Variants in KCTD8 observed in about 807,000 individuals in gnomAD.
The protein encoded by KCTD8 is BTB/POZ domain-containing protein KCTD8.
A neutral mutation model predicts 31.5 loss-of-function variants in KCTD8; 27 were observed. The observed-to-expected ratio is 0.86, with a 90% CI of 0.63 to 1.18. The LOEUF (loss-of-function observed/expected upper bound fraction) is 1.18, where lower values mean the gene tolerates loss of function less well. Among genes scored for constraint, KCTD8 ranks in the 50% most tolerant of loss-of-function variants. KCTD8 has a pLI of 0.00. For synonymous variants in KCTD8, 290 were observed against 280.0 expected, an observed-to-expected ratio of 1.04 and a Z score of -0.36; for missense variants, 658 against 647.7, an observed-to-expected ratio of 1.02 and a Z score of -0.17.
At chr4:44,407,326 A>C (rs1455355735) in intron 1 of KCTD8, among the ~76,000 whole-genome samples, 1 of 151,846 alleles carries the variant, frequency 6.6e-6, no homozygotes, top group African/African-American at 2.4e-5. Flanking sequence ...CTATACCTCA[A>C]ATCTACTTCA....
chr4:44,230,993 T>C (rs1715103461), intron 1 of KCTD8, among the ~76,000 whole-genome samples: 1 of 152,192 alleles, frequency 6.6e-6, no homozygotes, highest in Admixed American at 6.5e-5. Flanking sequence ...TCGATTTCGC[T>C]GGCAAATTTA....
chr4:44,177,233 A>G (rs1353542289), intron 1 of KCTD8, among the ~76,000 whole-genome samples: 1 of 151,970 alleles, frequency 6.6e-6, no homozygotes, highest in African/African-American at 2.4e-5. Flanking sequence ...TCTGGCTTTC[A>G]GATGGATTCA....
intron 1 of KCTD8, among the ~76,000 whole-genome samples, chr4:44,329,817 G>A (rs373986092): frequency 7.2e-5 from 11 of 151,898 alleles, no homozygotes; most frequent in Admixed American, 2.6e-4. Context: ...ATAATTCTTG[G>A]AATAGTCTTT....
chr4:44,369,489 T>C (rs1207479874), intron 1 of KCTD8, among the ~76,000 whole-genome samples: 6 of 152,212 alleles, frequency 3.9e-5, no homozygotes, highest in Non-Finnish European at 7.3e-5. Context: ...TTGCTAAACT[T>C]ACTTGATAAC....
At position 44,448,345 on chromosome 4, in the gene KCTD8, G is replaced by C. The variant is rs1249841381; in HGVS notation, c.179C>G (p.Ser60Trp). Residue 60 changes from serine (S) to tryptophan (W), a missense_variant, in exon 1 of 2, where the codon TCG becomes TGG. Ser to Trp is a radical substitution (Grantham distance 177). Coordinates refer to ENST00000360029, the MANE Select transcript of KCTD8 (RefSeq NM_198353.3). The surrounding 1 kb of genome is among the most constrained non-coding windows in gnomAD (Gnocchi z 4.1). ...ACTGTCCGGGACGCTGAGCAGCGTC[G>C]AGTGCTTGGTCACATAAACCTGGCC... The part of the protein sequence containing the change: ...VGGQVYVTKH[S>W]TLLSVPDSTL... The C allele has an allele frequency of 6.3e-7, 1 of 1,594,238 alleles. No homozygotes were observed.
chr4:44,296,173 T>C (rs1019360532), intron 1 of KCTD8, among the ~76,000 whole-genome samples: 2 of 152,158 alleles, frequency 1.3e-5, no homozygotes, highest in Non-Finnish European at 2.9e-5. Context: ...TCTAGACACA[T>C]ACAGCATGAA....
chr4:44,230,680 G>A (rs1715095870), intron 1 of KCTD8, among the ~76,000 whole-genome samples: 1 of 152,158 alleles, frequency 6.6e-6, no homozygotes, highest in Non-Finnish European at 1.5e-5. Context: ...CAGTATACAG[G>A]ACAGCTCAGG....
chr4:44,235,525 T>TTATATATATATATATATA (rs752341720), intron 1 of KCTD8, among the ~76,000 whole-genome samples: 2 of 55,084 alleles, frequency 3.6e-5, no homozygotes, highest in Non-Finnish European at 7.6e-5. Context: ...AGACACTGGA[T>TTATATATATATATATATA]TATATATATA....
chr4:44,190,034 G>T (rs1713715656), intron 1 of KCTD8, among the ~76,000 whole-genome samples: 3 of 151,976 alleles, frequency 2.0e-5, no homozygotes, highest in Admixed American at 2.0e-4. Flanking sequence ...CACTCTCATG[G>T]TTTTGATCCC....
chr4:44,404,427 A>G (rs1369147103), intron 1 of KCTD8, among the ~76,000 whole-genome samples: 1 of 152,212 alleles, frequency 6.6e-6, no homozygotes, highest in Admixed American at 6.5e-5. Context: ...GCCTAATGGT[A>G]TCAACAATAT....
chr4:44,418,780 CAG>C (rs1721140456), intron 1 of KCTD8, among the ~76,000 whole-genome samples: 1 of 152,138 alleles, frequency 6.6e-6, no homozygotes, highest in Admixed American at 6.6e-5. Context: ...GTGGTAAAAA[CAG>C]ATACTATGCA....
chr4:44,236,273 G>A (rs544714210), intron 1 of KCTD8, among the ~76,000 whole-genome samples: 1 of 152,302 alleles, frequency 6.6e-6, no homozygotes, highest in East Asian at 1.9e-4. Flanking sequence ...GGGAAATGGA[G>A]CATAGTTGAT....
At chr4:44,265,270 C>T (rs1050634127) in intron 1 of KCTD8, among the ~76,000 whole-genome samples, 1 of 152,114 alleles carries the variant, frequency 6.6e-6, no homozygotes, top group Non-Finnish European at 1.5e-5. Context: ...GCTGCTGACA[C>T]CCAGGCAAAC....
intron 1 of KCTD8, among the ~76,000 whole-genome samples, chr4:44,269,908 T>C (rs994208352): frequency 1.3e-5 from 2 of 152,072 alleles, no homozygotes; most frequent in African/African-American, 4.8e-5. Flanking sequence ...CTGGAGAGGA[T>C]GTGGAGAAAT....
At chr4:44,322,539 T>C (rs1274898831) in intron 1 of KCTD8, among the ~76,000 whole-genome samples, 1 of 152,114 alleles carries the variant, frequency 6.6e-6, no homozygotes, top group Non-Finnish European at 1.5e-5. Flanking sequence ...TCTCCCATTT[T>C]GTAGACTGTC....
intron 1 of KCTD8, among the ~76,000 whole-genome samples, chr4:44,205,315 G>T (rs1693459638): frequency 1.3e-5 from 2 of 152,158 alleles, no homozygotes; most frequent in African/African-American, 4.8e-5. Context: ...CATCAGTGAA[G>T]TGTAGTGGAT....
At chr4:44,193,749 T>C (rs939412131) in intron 1 of KCTD8, among the ~76,000 whole-genome samples, 1 of 152,188 alleles carries the variant, frequency 6.6e-6, no homozygotes, top group Non-Finnish European at 1.5e-5. Flanking sequence ...CCAAGCAATG[T>C]CTATTTATCA....
chr4:44,271,616 C>T (rs1438202835), intron 1 of KCTD8, among the ~76,000 whole-genome samples: 1 of 152,128 alleles, frequency 6.6e-6, no homozygotes, highest in Non-Finnish European at 1.5e-5. Context: ...CAAGGAACAC[C>T]TGGCCCACCC....
chr4:44,301,773 T>C (rs1168498272), intron 1 of KCTD8, among the ~76,000 whole-genome samples: 2 of 152,232 alleles, frequency 1.3e-5, no homozygotes, highest in Non-Finnish European at 2.9e-5. Flanking sequence ...TTTGGTGTTT[T>C]AGACATGAAG....
Sources: gnomAD v4.1 joint callset for allele counts (sites outside exome capture counted in the v4.1 genomes callset) on GRCh38, gnomAD v4.1.1 for gene constraint, Gnocchi (gnomAD v3.1) non-coding constraint, MANE v1.5 for transcripts, NCBI Gene and HGNC (gene_info 2026-07-23, HGNC 2026-07-21) for gene names.